Variants in DGKB observed in about 807,000 individuals in gnomAD.
DGKB encodes 90 kDa diacylglycerol kinase.
DGKB carries 67 observed loss-of-function variants against 114.3 expected under a neutral mutation model. The observed-to-expected ratio is 0.59, with a 90% CI of 0.48 to 0.72. DGKB has a LOEUF of 0.72. Among genes scored for constraint, DGKB ranks in the 30% least tolerant of loss-of-function variants. DGKB has a pLI of 0.00. For synonymous variants in DGKB, 398 were observed against 323.1 expected (o/e 1.23, Z -2.49); for missense variants, 907 against 975.2 (o/e 0.93, Z 0.93).
chr7:14,541,108 CT>C (rs200110793), intron 20 of DGKB, among the ~76,000 whole-genome samples: 4,070 of 145,842 alleles, frequency 0.028, 79 homozygotes, highest in East Asian at 0.085. Context: ...TGTTGGTCTC[CT>C]TTTTTTTTTT....
chr7:14,252,943 C>CTTAT (rs1474433809), intron 23 of DGKB, among the ~76,000 whole-genome samples: 5 of 152,040 alleles, frequency 3.3e-5, no homozygotes, highest in Non-Finnish European at 5.9e-5. Context: ...TGTTTGTTCT[C>CTTAT]TTATTTCTGT....
At chr7:14,762,598 G>T (rs767355375) in intron 2 of DGKB, among the ~76,000 whole-genome samples, 2 of 152,192 alleles carry the variant, frequency 1.3e-5, no homozygotes, top group African/African-American at 4.8e-5. Flanking sequence ...GAAACACTTA[G>T]TTCCTCTCAC....
Position 14,175,696 on chromosome 7 carries a change from C to T in DGKB, c.2304+1143G>A, listed in dbSNP as rs183782712. ...TTGTACTTAGAATCAAAATTTAGCT[C>T]TTTACCGTCAATTTTTTTTCTACAT... On this transcript the variant is annotated intron_variant, in intron 25 of 25. Coordinates refer to ENST00000402815, the MANE Select transcript of DGKB (RefSeq NM_001350709.2). Among the ~76,000 whole-genome samples, 701 of 152,256 alleles carry T rather than the reference C, an allele frequency of 4.6e-3. 3 individuals carry two copies. The highest frequency in any genetic ancestry group is 0.016 in the African/African-American group (668 of 41,554).
chr7:14,627,228 A>T (rs915699687), intron 14 of DGKB, among the ~76,000 whole-genome samples: 2 of 152,162 alleles, frequency 1.3e-5, no homozygotes, highest in Non-Finnish European at 2.9e-5. Context: ...ACCATAGCTG[A>T]GAATAATTGC....
chr7:14,683,179 T>G (rs567949131), intron 10 of DGKB, among the ~76,000 whole-genome samples: 46 of 152,290 alleles, frequency 3.0e-4, no homozygotes, highest in African/African-American at 1.1e-3. Context: ...TGGCTTGGTG[T>G]CATTTGCTAG....
intron 23 of DGKB, among the ~76,000 whole-genome samples, chr7:14,272,885 A>C (rs1229285835): frequency 6.6e-6 from 1 of 152,220 alleles, no homozygotes; most frequent in Admixed American, 6.5e-5. Flanking sequence ...AAAAAGATAT[A>C]AAATGTGTAG....
At chr7:14,263,012 T>A (rs943805615) in intron 23 of DGKB, among the ~76,000 whole-genome samples, 1 of 151,930 alleles carries the variant, frequency 6.6e-6, no homozygotes, top group Non-Finnish European at 1.5e-5. Context: ...GTAGTTAACA[T>A]CCTGAAGGGC....
rs148768720 is a variant in DGKB at position 14,384,916 on chromosome 7, T to G, written c.1836-39525A>C. On this transcript the variant is annotated intron_variant, in intron 21 of 25. Transcript: ENST00000402815. Reference sequence around the variant, plus strand: ...GCACAAAAGTCACTAGTGCTAAGACTGAGAAACTCCATGGTAAGTGAGAAC... The same window carrying G: ...GCACAAAAGTCACTAGTGCTAAGACGGAGAAACTCCATGGTAAGTGAGAAC... 4.8e-4 allele frequency among the ~76,000 whole-genome samples: 73 copies of G among 152,252 alleles called. No individual in the cohort carries two copies. The East Asian group carries it at 0.014, about 28-fold the overall frequency.
At chr7:14,943,655 T>C (rs111982396) in intron 1 of DGKB, among the ~76,000 whole-genome samples, 2 of 125,004 alleles carry the variant, frequency 1.6e-5, no homozygotes, top group African/African-American at 2.7e-5. Context: ...CACACATATA[T>C]ATATCTCCTG....
chr7:14,293,446 C>T (rs1198494940), intron 23 of DGKB, among the ~76,000 whole-genome samples: 1 of 152,012 alleles, frequency 6.6e-6, no homozygotes, highest in East Asian at 1.9e-4. Context: ...ACTAACATAC[C>T]TGTGTCTGAT....
At chr7:14,587,737 G>GA in intron 17 of DGKB, among the ~76,000 whole-genome samples, 1 of 152,150 alleles carries the variant, frequency 6.6e-6, no homozygotes, top group East Asian at 1.9e-4. Flanking sequence ...CTCTCTACCA[G>GA]AAAAAACATT....
intron 5 of DGKB, among the ~76,000 whole-genome samples, chr7:14,730,352 C>G (rs1438696450): frequency 1.3e-5 from 2 of 152,070 alleles, no homozygotes; most frequent in African/African-American, 4.8e-5. Flanking sequence ...TACCAGAGTG[C>G]CAGGGTTTCT....
At chr7:14,924,438 C>A (rs1051351084) in intron 1 of DGKB, among the ~76,000 whole-genome samples, 1 of 152,112 alleles carries the variant, frequency 6.6e-6, no homozygotes, top group African/African-American at 2.4e-5. Context: ...GGTGTTATAT[C>A]TTCAGAGATT....
intron 1 of DGKB, among the ~76,000 whole-genome samples, chr7:14,926,857 C>A (rs1354338807): frequency 6.6e-6 from 1 of 151,660 alleles, no homozygotes; most frequent in Non-Finnish European, 1.5e-5. Context: ...TAAAATTTAC[C>A]ATGGAAATCC....
At chr7:14,565,455 C>T (rs1476217165) in intron 20 of DGKB, among the ~76,000 whole-genome samples, 2 of 152,166 alleles carry the variant, frequency 1.3e-5, no homozygotes, top group Non-Finnish European at 2.9e-5. Context: ...ATAAATATGT[C>T]AATGACTCCA....
At chr7:14,176,029 A>G (rs955350528) in intron 25 of DGKB, 5 of 151,908 alleles carry the variant, frequency 3.3e-5, no homozygotes, top group African/African-American at 1.2e-4. Context: ...CCTTTCAAAG[A>G]GGTCTCCCTT....
At chr7:14,641,813 C>A (rs780128584) in intron 13 of DGKB, among the ~76,000 whole-genome samples, 16 of 151,920 alleles carry the variant, frequency 1.1e-4, no homozygotes, top group Non-Finnish European at 2.2e-4. Flanking sequence ...TATTACTCTT[C>A]GTTTTTAAGA....
intron 23 of DGKB, among the ~76,000 whole-genome samples, chr7:14,277,397 G>T (rs1021257556): frequency 3.3e-5 from 5 of 151,924 alleles, no homozygotes; most frequent in African/African-American, 1.2e-4. Flanking sequence ...GGTCTCGAAC[G>T]CCTGGCCACA....
rs1234155975 is a variant in DGKB, at chr7:14,700,216, T to A, written c.516+1465A>T. ...AATAATAGCATTTGAAAAAAAATTT[T>A]TTTTTTTTTTTTTTTGAGATGGAGT... On this transcript the variant is annotated intron_variant, in intron 7 of 25. Coordinates refer to ENST00000402815, the MANE Select transcript of DGKB (RefSeq NM_001350709.2). 6.1e-5 allele frequency among the ~76,000 whole-genome samples: 9 copies of A among 147,796 alleles called. No individual in the cohort carries two copies. In the East Asian group the frequency reaches 1.4e-3, roughly 22 times the overall value.
Sources: allele counts gnomAD v4.1 joint callset (sites outside exome capture counted in the v4.1 genomes callset), GRCh38; gene constraint gnomAD v4.1.1; transcripts MANE v1.5; gene names NCBI Gene and HGNC (gene_info 2026-07-23, HGNC 2026-07-21).